The following GNAL variants were observed in gnomAD, a reference collection of about 807,000 sequenced individuals.
GNAL encodes the protein G protein subunit alpha L, also known as guanine nucleotide-binding protein G(olf) subunit alpha.
In GNAL, 18 loss-of-function variants were observed where a neutral mutation model predicts 55.1. That is an observed-to-expected ratio of 0.33 (90% CI 0.23 to 0.48). The LOEUF (loss-of-function observed/expected upper bound fraction) is 0.48. GNAL is among the 20% of genes least tolerant of loss of function. The pLI is 0.99. For synonymous variants in GNAL, 253 were observed against 237.0 expected, an observed-to-expected ratio of 1.07 and a Z score of -0.62; for missense variants, 412 against 614.1, an observed-to-expected ratio of 0.67 and a Z score of 3.48.
intron 1 of GNAL, among the ~76,000 whole-genome samples, chr18:11,732,587 A>G (rs997394097): frequency 1.3e-5 from 2 of 151,470 alleles, no homozygotes; most frequent in Non-Finnish European, 1.5e-5. Flanking sequence ...ACCCATGGGT[A>G]TCTGTTCAAA....
intron 1 of GNAL, among the ~76,000 whole-genome samples, chr18:11,708,703 G>C (rs1030367592): frequency 1.3e-5 from 2 of 152,090 alleles, no homozygotes; most frequent in Non-Finnish European, 2.9e-5. Context: ...AATAAAACAA[G>C]GTACACCTTT....
intron 4 of GNAL, among the ~76,000 whole-genome samples, chr18:11,793,835 G>A (rs982908823): frequency 6.6e-6 from 1 of 151,262 alleles, no homozygotes; most frequent in Non-Finnish European, 1.5e-5. Flanking sequence ...AGGCTGGAGC[G>A]GGAGTCAGAG....
At chr18:11,704,720 C>G (rs567922944) in intron 1 of GNAL, among the ~76,000 whole-genome samples, 1 of 152,116 alleles carries the variant, frequency 6.6e-6, no homozygotes, top group East Asian at 1.9e-4. Flanking sequence ...TGCTCATACC[C>G]AGAACATTTT....
chr18:11,693,929 T>A (rs1451801640), intron 1 of GNAL, among the ~76,000 whole-genome samples: 1 of 149,330 alleles, frequency 6.7e-6, no homozygotes, highest in East Asian at 2.0e-4. Flanking sequence ...CATGGCTCAC[T>A]GCAGCCTGGA....
chr18:11,772,251 A>G (rs899637811), intron 4 of GNAL, among the ~76,000 whole-genome samples: 2 of 152,242 alleles, frequency 1.3e-5, no homozygotes, highest in African/African-American at 4.8e-5. Flanking sequence ...CAGGAAATGT[A>G]TGTGCTTCAA....
chr18:11,843,739 C>T (rs1436373314), intron 5 of GNAL, among the ~76,000 whole-genome samples: 4 of 151,816 alleles, frequency 2.6e-5, no homozygotes, highest in South Asian at 2.1e-4. Context: ...TTTGGGAGGC[C>T]GAGGTGGGCA....
intron 4 of GNAL, among the ~76,000 whole-genome samples, chr18:11,803,902 A>G (rs1311369267): frequency 2.0e-5 from 3 of 150,970 alleles, no homozygotes; most frequent in Non-Finnish European, 4.4e-5. Context: ...GTGGTGAAGT[A>G]CAGGTGCAGT....
chr18:11,866,467 G>A (rs2036265631), intron 7 of GNAL, among the ~76,000 whole-genome samples: 1 of 150,406 alleles, frequency 6.6e-6, no homozygotes, highest in Non-Finnish European at 1.5e-5. Context: ...CTCTCCCAGG[G>A]AGAAACGCCT....
At chr18:11,829,208 A>C (rs550133776) in intron 5 of GNAL, among the ~76,000 whole-genome samples, 2 of 152,224 alleles carry the variant, frequency 1.3e-5, no homozygotes, top group East Asian at 3.9e-4. Context: ...AGCTTTCTGA[A>C]CCCTGGGCCT....
In GNAL at chr18:11,851,478, A is replaced by T. The variant is rs778942644; in HGVS notation, c.723-10917A>T. 1.9e-5 allele frequency: 29 copies of T among 1,503,048 alleles called. No individual in the cohort carries two copies. In the African/African-American group the frequency reaches 3.4e-4, roughly 17 times the overall value. 93.1% of individuals were successfully genotyped at this position (1,503,048 alleles called of 1,614,324 possible). A position where few individuals can be genotyped will look rare whatever the true frequency, so the allele number is the denominator to read the frequency against. Reference sequence around the variant, plus strand: ...CTTCTCTGCCTTCGGCGCGCTTCTCAGCCGGGCCGCCGACCCAAAGGAGCC... The same window carrying T: ...CTTCTCTGCCTTCGGCGCGCTTCTCTGCCGGGCCGCCGACCCAAAGGAGCC... On this transcript the variant is annotated intron_variant, in intron 5 of 11. Coordinates refer to ENST00000334049, the MANE Select transcript of GNAL (RefSeq NM_182978.4).
In GNAL at chr18:11,807,244, T is replaced by C. The variant is rs533443653; in HGVS notation, c.625-17674T>C. Among the ~76,000 whole-genome samples the C allele has an allele frequency of 2.6e-5, 4 of 152,244 alleles. No individual in the cohort carries two copies. In the South Asian group the frequency reaches 8.3e-4, roughly 32 times the overall value. On this transcript the variant is annotated intron_variant, in intron 4 of 11. Transcript: ENST00000334049. ...TGGTCTCATTCTTTTTACAGCTGCATAGTAATCATTGGATTGTTTTGAGCC... is the reference window on the plus strand; with the variant it reads ...TGGTCTCATTCTTTTTACAGCTGCACAGTAATCATTGGATTGTTTTGAGCC...
At chr18:11,701,761 T>A (rs532168464) in intron 1 of GNAL, among the ~76,000 whole-genome samples, 4 of 152,164 alleles carry the variant, frequency 2.6e-5, no homozygotes, top group African/African-American at 9.6e-5. Context: ...ATAGAACTGA[T>A]GCTTCAAGAA....
rs755301334 is a variant in GNAL, at chr18:11,824,908, C to CAA, written c.625-8_625-7dup. Reference sequence around the variant, plus strand: ...TTTTTTTTTTAATTTGTAACTCTTTCAAACTTTAGGAATTCTTTGACCATG... The same window carrying CAA: ...TTTTTTTTTTAATTTGTAACTCTTTCAAAAACTTTAGGAATTCTTTGACCATG... On this transcript the variant is annotated splice_polypyrimidine_tract_variant and intron_variant, in intron 4 of 11. Transcript: ENST00000334049. The CAA allele has an allele frequency of 1.2e-5, 17 of 1,472,604 alleles. No individual in the cohort carries two copies. In the South Asian group the frequency reaches 2.0e-4, roughly 17 times the overall value. The allele number at this position is 1,472,604 out of a possible 1,614,324, so 91.2% of individuals were successfully genotyped here.
intron 4 of GNAL, among the ~76,000 whole-genome samples, chr18:11,798,450 A>G (rs1385909188): frequency 6.6e-6 from 1 of 152,192 alleles, no homozygotes; most frequent in Non-Finnish European, 1.5e-5. Context: ...CAAGACACAG[A>G]GTAGCATAGA....
Position 11,824,807 on chromosome 18 carries a change from A to C in GNAL, c.625-111A>C, listed in dbSNP as rs973321499. On this transcript the variant is annotated intron_variant, in intron 4 of 11. Transcript: ENST00000334049. ...TTACTATGCAGACTTCCACAAAGAAAATCTGAATGCTACTTGCAAAAAACA... is the reference window on the plus strand; with the variant it reads ...TTACTATGCAGACTTCCACAAAGAACATCTGAATGCTACTTGCAAAAAACA... 74 of 614,502 alleles carry C rather than the reference A, an allele frequency of 1.2e-4. No individual in the cohort carries two copies. The African/African-American group carries it at 1.2e-3, about 10-fold the overall frequency. The allele number at this position is 614,502 out of a possible 1,614,324, so 38.1% of individuals were successfully genotyped here.
chr18:11,872,717 C>G (rs1257038788), intron 10 of GNAL, among the ~76,000 whole-genome samples: 1 of 152,134 alleles, frequency 6.6e-6, no homozygotes, highest in African/African-American at 2.4e-5. Context: ...ATGACAGGTG[C>G]CTTGTTAGTC....
chr18:11,876,626 C>A lies in GNAL; in HGVS notation c.1168C>A (p.Pro390Thr). ...ANYTVPEDAT[P>T]DAGEDPKVTR... The stretch of plus-strand genomic sequence containing the variant: ...TCCATTTGTCATTTCTACAGCAACA[C>A]CAGATGCAGGAGAAGATCCCAAAGT... Residue 390 changes from proline (P) to threonine (T), a missense_variant, in exon 11 of 12, where the codon CCA becomes ACA. Around this residue, in one of 5 missense-constraint regions of GNAL, gnomAD observed 79 missense variants for 127.1 expected, o/e 0.62. Coordinates refer to ENST00000334049, the MANE Select transcript of GNAL (RefSeq NM_182978.4). 2.5e-6 allele frequency: 4 copies of A among 1,586,348 alleles called. No homozygotes were observed. Among genetic ancestry groups the A allele is most frequent in the Non-Finnish European group, 2.6e-6 (3 of 1,154,628 alleles).
intron 5 of GNAL, among the ~76,000 whole-genome samples, chr18:11,861,200 C>T (rs2036126388): frequency 6.6e-6 from 1 of 152,188 alleles, no homozygotes; most frequent in African/African-American, 2.4e-5. Context: ...AGTACCAGGG[C>T]CTCCCGTCAA....
At chr18:11,783,893 G>C (rs982140319) in intron 4 of GNAL, among the ~76,000 whole-genome samples, 10 of 152,158 alleles carry the variant, frequency 6.6e-5, no homozygotes, top group Non-Finnish European at 1.2e-4. Flanking sequence ...AGAGAATATG[G>C]AGAAAGGAAA....
Sources: gnomAD v4.1 joint callset for allele counts (sites outside exome capture counted in the v4.1 genomes callset) on GRCh38, gnomAD v4.1.1 for gene constraint, gnomAD v4.1.1 regional missense constraint, MANE v1.5 for transcripts, NCBI Gene and HGNC (gene_info 2026-07-23, HGNC 2026-07-21) for gene names.